KATNIP: variants seen among roughly 807,000 people sequenced by gnomAD.
KATNIP encodes katanin interacting protein.
A neutral mutation model predicts 174.0 loss-of-function variants in KATNIP; 126 were observed. That is an observed-to-expected ratio of 0.72 (90% confidence interval 0.63 to 0.84). The LOEUF (loss-of-function observed/expected upper bound fraction) is 0.84. KATNIP is among the 40% of genes least tolerant of loss of function. The probability of loss-of-function intolerance (pLI) is 0.00; values close to 1 mark genes in which losing one functional copy is unlikely to be tolerated. For synonymous variants in KATNIP, 810 were observed against 835.7 expected (o/e 0.97, Z 0.53); for missense variants, 1,958 against 2,109.7 (o/e 0.93, Z 1.41).
intron 6 of KATNIP, among the ~76,000 whole-genome samples, chr16:27,674,490 A>G (rs2078037498): frequency 6.6e-6 from 1 of 152,162 alleles, no homozygotes; most frequent in African/African-American, 2.4e-5. Context: ...GCTTGTGGCC[A>G]TGTCCTCCTG....
At chr16:27,736,368 G>A (rs2143430142) in intron 14 of KATNIP, among the ~76,000 whole-genome samples, 1 of 152,328 alleles carries the variant, frequency 6.6e-6, no homozygotes, top group East Asian at 1.9e-4. Flanking sequence ...CAGCTGTCTT[G>A]GAGCCTAACT....
chr16:27,734,056 G>A (rs995507029), intron 14 of KATNIP, among the ~76,000 whole-genome samples: 3 of 151,996 alleles, frequency 2.0e-5, no homozygotes, highest in Admixed American at 6.6e-5. Context: ...GAGACAGTTA[G>A]TCTATAAGGA....
At chr16:27,631,508 G>A (rs966539477) in intron 5 of KATNIP, among the ~76,000 whole-genome samples, 24 of 150,942 alleles carry the variant, frequency 1.6e-4, no homozygotes, top group African/African-American at 5.4e-4. Flanking sequence ...TTGCACCACT[G>A]CACTCCAGCC....
chr16:27,777,830 GACACACGGCC>G lies in KATNIP; in HGVS notation c.4713-49_4713-40del, dbSNP rs2082555230. 1 of 1,613,296 alleles carries G rather than the reference GACACACGGCC, an allele frequency of 6.2e-7. No homozygotes were observed. The highest frequency in any genetic ancestry group is 8.5e-7 in the Non-Finnish European group (1 of 1,179,282). On this transcript the variant is annotated intron_variant, in intron 26 of 27. Transcript: ENST00000261588. This position sits in a 1 kb window ranked among gnomAD's most constrained non-coding sequence, Gnocchi z 4.4. ...AGCCCTAAGGAGGATGGATGGCTGGGACACACGGCCAGGAGCCTGATCGAATCTTGTGTTT... is the reference window on the plus strand; with the variant it reads ...AGCCCTAAGGAGGATGGATGGCTGGGAGGAGCCTGATCGAATCTTGTGTTT...
intron 13 of KATNIP, among the ~76,000 whole-genome samples, chr16:27,717,499 T>G (rs990416570): frequency 6.6e-6 from 1 of 152,174 alleles, no homozygotes; most frequent in Admixed American, 6.5e-5. Context: ...CTACTTGATT[T>G]TTTTTTTCTT....
At chr16:27,664,382 C>A (rs1002048455) in intron 6 of KATNIP, among the ~76,000 whole-genome samples, 4 of 152,176 alleles carry the variant, frequency 2.6e-5, no homozygotes, top group African/African-American at 4.8e-5. Flanking sequence ...CTCAATATAT[C>A]TGTTAAATCA....
chr16:27,777,098 C>A lies in KATNIP; in HGVS notation c.4551+69C>A. 9.9e-7 allele frequency: 1 copy of A among 1,006,122 alleles called. No homozygotes were observed. Among genetic ancestry groups the A allele is most frequent in the South Asian group, 1.3e-5 (1 of 76,068 alleles). The allele number at this position is 1,006,122 out of a possible 1,614,324, so 62.3% of individuals were successfully genotyped here. On this transcript the variant is annotated intron_variant, in intron 25 of 27. Transcript: ENST00000261588. The surrounding 1 kb of genome is among the most constrained non-coding windows in gnomAD (Gnocchi z 4.4). ...TGGTAATTAGGCCGCCGGCAATTAT[C>A]ATTTGTCGCAGTTTGATTTACTTCT...
At chr16:27,673,628 G>C (rs138769430) in intron 6 of KATNIP, among the ~76,000 whole-genome samples, 1 of 152,260 alleles carries the variant, frequency 6.6e-6, no homozygotes, top group East Asian at 1.9e-4. Flanking sequence ...CATCCCTGGT[G>C]TCCATGTAAT....
chr16:27,556,320 C>A (rs2089628138), intron 1 of KATNIP, among the ~76,000 whole-genome samples: 1 of 152,144 alleles, frequency 6.6e-6, no homozygotes, highest in Non-Finnish European at 1.5e-5. Flanking sequence ...CATGAAGGTA[C>A]ATTGGCAGTG....
intron 5 of KATNIP, among the ~76,000 whole-genome samples, chr16:27,642,112 G>C (rs2076818764): frequency 6.6e-6 from 1 of 152,348 alleles, no homozygotes; most frequent in South Asian, 2.1e-4. Context: ...CAATAGCAAA[G>C]ACTTGGGACC....
chr16:27,601,209 ACTGG>A, intron 2 of KATNIP, among the ~76,000 whole-genome samples: 1 of 151,982 alleles, frequency 6.6e-6, no homozygotes, highest in Non-Finnish European at 1.5e-5. Context: ...CATGCCAGGA[ACTGG>A]GAGACACAGC....
rs2089652756 is a variant in KATNIP at position 27,556,966 on chromosome 16, G to A, written c.7+6789G>A. 2.6e-5 allele frequency among the ~76,000 whole-genome samples: 4 copies of A among 151,990 alleles called. No homozygotes were observed. The South Asian group carries it at 8.3e-4, about 32-fold the overall frequency. On this transcript the variant is annotated intron_variant, in intron 1 of 27. Coordinates refer to ENST00000261588, the MANE Select transcript of KATNIP (RefSeq NM_015202.5). The stretch of plus-strand genomic sequence containing the variant: ...GTTCCTCCTGTCACTTTAACTTATA[G>A]GAAGTCGGCCCATAATGTTTTGCTT...
chr16:27,669,552 A>G (rs1347311645), intron 6 of KATNIP, among the ~76,000 whole-genome samples: 1 of 152,232 alleles, frequency 6.6e-6, no homozygotes, highest in African/African-American at 2.4e-5. Context: ...ATCCCACAGC[A>G]TGGTATCTCT....
intron 18 of KATNIP, 119 bp downstream of exon 18, chr16:27,754,370 A>G (rs562682528): frequency 1.8e-4 from 147 of 822,572 alleles, no homozygotes; most frequent in Non-Finnish European, 2.7e-4. Flanking sequence ...CACTGTACAG[A>G]GACACCAGGC....
chr16:27,609,638 C>T (rs1305457645), intron 2 of KATNIP, among the ~76,000 whole-genome samples: 4 of 151,268 alleles, frequency 2.6e-5, no homozygotes, highest in Admixed American at 2.0e-4. Flanking sequence ...GATCCGCCCA[C>T]CTCAGCCTCC....
At chr16:27,738,880 C>T (rs746655548) in intron 14 of KATNIP, among the ~76,000 whole-genome samples, 1 of 152,166 alleles carries the variant, frequency 6.6e-6, no homozygotes, top group Non-Finnish European at 1.5e-5. Flanking sequence ...ACACTCAGCT[C>T]GTGCATGTGT....
intron 6 of KATNIP, among the ~76,000 whole-genome samples, chr16:27,656,128 C>T (rs1357948256): frequency 2.0e-5 from 3 of 152,062 alleles, no homozygotes; most frequent in Non-Finnish European, 4.4e-5. Flanking sequence ...CTGGAGTCTT[C>T]AGAAATGTCA....
intron 13 of KATNIP, among the ~76,000 whole-genome samples, chr16:27,713,809 C>CATATATATATAT (rs60005285): frequency 6.0e-5 from 2 of 33,352 alleles, no homozygotes; most frequent in Non-Finnish European, 1.2e-4. Context: ...TGTGTATATA[C>CATATATATATAT]ATATATATAT....
chr16:27,592,616 TCAAA>T (rs561064710), intron 2 of KATNIP, among the ~76,000 whole-genome samples: 12 of 151,750 alleles, frequency 7.9e-5, no homozygotes, highest in Non-Finnish European at 1.5e-4. Flanking sequence ...AGACCCTGTC[TCAAA>T]CACACACACA....
Sources: gnomAD v4.1 joint callset for allele counts (sites outside exome capture counted in the v4.1 genomes callset) on GRCh38, gnomAD v4.1.1 for gene constraint, Gnocchi (gnomAD v3.1) non-coding constraint, MANE v1.5 for transcripts, NCBI Gene and HGNC (gene_info 2026-07-23, HGNC 2026-07-21) for gene names.